Variants in CRB1 observed in about 807,000 individuals in gnomAD.
CRB1 encodes the protein protein crumbs homolog 1.
CRB1 carries 83 observed loss-of-function variants against 120.0 expected under a neutral mutation model. The observed-to-expected ratio is 0.69, with a 90% CI of 0.58 to 0.83. CRB1 has a LOEUF of 0.83. CRB1 is among the 40% of genes least tolerant of loss of function. CRB1 has a pLI of 0.00. For synonymous variants in CRB1, 625 were observed against 612.5 expected (o/e 1.02, Z -0.30); for missense variants, 1,699 against 1,687.6 (o/e 1.01, Z -0.12).
chr1:197,214,500 C>T, the CRB1 span, among the ~76,000 whole-genome samples: 13 of 152,026 alleles, frequency 8.6e-5, no homozygotes, highest in Non-Finnish European at 1.8e-4. Context: ...CATGGGTGGT[C>T]CTGGAACCAA....
chr1:197,393,243 C>A (rs979731900), intron 5 of CRB1, among the ~76,000 whole-genome samples: 1 of 152,074 alleles, frequency 6.6e-6, no homozygotes, highest in Admixed American at 6.6e-5. Flanking sequence ...AATGTGTTAT[C>A]TTTCTTTCTA....
intron 9 of CRB1, among the ~76,000 whole-genome samples, 182 bp from the exon 10 acceptor site, chr1:197,438,365 C>T (rs1166470195): frequency 6.6e-6 from 1 of 152,288 alleles, no homozygotes; most frequent in South Asian, 2.1e-4. Context: ...AACCCTCCAG[C>T]AGGAGCTTTT....
chr1:197,280,293 A>G (rs1045023958), intron 1 of CRB1, among the ~76,000 whole-genome samples: 2 of 151,836 alleles, frequency 1.3e-5, no homozygotes, highest in African/African-American at 4.8e-5. Flanking sequence ...AATCAGAAAA[A>G]CATAAGGGAG....
At chr1:197,249,508 G>C in the CRB1 span, among the ~76,000 whole-genome samples, 1 of 151,918 alleles carries the variant, frequency 6.6e-6, no homozygotes, top group African/African-American at 2.4e-5. Context: ...GCTGTGGAAT[G>C]ATAATTCATA....
chr1:197,271,745 A>G (rs1032540273), intron 1 of CRB1, among the ~76,000 whole-genome samples: 1 of 152,184 alleles, frequency 6.6e-6, no homozygotes, highest in Non-Finnish European at 1.5e-5. Context: ...ACCTTGATGT[A>G]TGAATCTGTT....
chr1:197,453,552 AG>A (rs1558151906), intron 11 of CRB1, among the ~76,000 whole-genome samples: 2 of 5,916 alleles, frequency 3.4e-4, no homozygotes, highest in Non-Finnish European at 5.2e-3. Flanking sequence ...AGAGAGAGAC[AG>A]AGAGAGAGAG....
At chr1:197,375,212 C>T (rs892343887) in intron 5 of CRB1, among the ~76,000 whole-genome samples, 2 of 152,152 alleles carry the variant, frequency 1.3e-5, no homozygotes, top group Non-Finnish European at 1.5e-5. Context: ...GCAGAAGACA[C>T]TAAACTCTTG....
chr1:197,387,790 G>T (rs1662293139), intron 5 of CRB1, among the ~76,000 whole-genome samples: 1 of 151,668 alleles, frequency 6.6e-6, no homozygotes, highest in African/African-American at 2.4e-5. Context: ...TTTATTAAAG[G>T]AAAATTTGAA....
chr1:197,329,608 G>A (rs574579184), intron 2 of CRB1, among the ~76,000 whole-genome samples: 1 of 152,128 alleles, frequency 6.6e-6, no homozygotes. Flanking sequence ...AAAGTAACAA[G>A]TTGACAACTC....
rs1657029109 is a variant in CRB1, at chr1:197,304,044, A to G, written c.71-24378A>G. Reference sequence around the variant, plus strand: ...AGACATTGTGTTTTGGAAAAATGGAAGAGTTATACTCTAAAGATCTTTCAA... The same window carrying G: ...AGACATTGTGTTTTGGAAAAATGGAGGAGTTATACTCTAAAGATCTTTCAA... On this transcript the variant is annotated intron_variant, in intron 1 of 11. Transcript: ENST00000367400. 2.0e-5 allele frequency among the ~76,000 whole-genome samples: 3 copies of G among 152,182 alleles called. No individual in the cohort carries two copies. The South Asian group carries it at 6.2e-4, about 32-fold the overall frequency.
intron 2 of CRB1, among the ~76,000 whole-genome samples, chr1:197,334,513 C>T (rs933856973): frequency 6.6e-6 from 1 of 152,160 alleles, no homozygotes; most frequent in Admixed American, 6.5e-5. Context: ...CCCCCTTCCA[C>T]TCTTATGCCA....
At chr1:197,242,481 A>G in the CRB1 span, among the ~76,000 whole-genome samples, 2 of 152,182 alleles carry the variant, frequency 1.3e-5, no homozygotes, top group Admixed American at 6.6e-5. Context: ...GATTACGTTT[A>G]TTGATTTGCA....
intron 2 of CRB1, 40 bp from the exon 3 acceptor site, chr1:197,344,241 A>G (rs1302614995): frequency 6.3e-7 from 1 of 1,595,978 alleles, no homozygotes. Flanking sequence ...ACACTTTGCT[A>G]AAACTTTTTC....
intron 4 of CRB1, among the ~76,000 whole-genome samples, chr1:197,349,133 T>G (rs1299846983): frequency 1.3e-5 from 2 of 152,212 alleles, no homozygotes; most frequent in African/African-American, 2.4e-5. Flanking sequence ...TTTGTATGTT[T>G]AAGTATGTTT....
At chr1:197,219,277 A>G in the CRB1 span, among the ~76,000 whole-genome samples, 2 of 152,242 alleles carry the variant, frequency 1.3e-5, no homozygotes, top group Non-Finnish European at 2.9e-5. Context: ...TATGTCCTGA[A>G]TTCTGTGGTA....
chr1:197,295,175 T>G (rs1656449018), intron 1 of CRB1, among the ~76,000 whole-genome samples: 1 of 152,180 alleles, frequency 6.6e-6, no homozygotes, highest in South Asian at 2.1e-4. Flanking sequence ...TTCAACCTCT[T>G]GGCAGGCTAT....
the CRB1 span, among the ~76,000 whole-genome samples, chr1:197,205,167 T>C: frequency 6.6e-6 from 1 of 152,186 alleles, no homozygotes; most frequent in Non-Finnish European, 1.5e-5. Flanking sequence ...TTTGGAGTAA[T>C]GTGTAGGGTT....
intron 1 of CRB1, among the ~76,000 whole-genome samples, chr1:197,285,553 A>G (rs541031945): frequency 7.2e-4 from 109 of 151,924 alleles, no homozygotes; most frequent in Non-Finnish European, 1.2e-3. Context: ...GTAGAATGGT[A>G]GCAAATATTA....
chr1:197,438,251 A>T (rs1320343235), intron 9 of CRB1: 1 of 354,406 alleles, frequency 2.8e-6, no homozygotes, highest in East Asian at 6.9e-5. Context: ...AGTTATAGCA[A>T]GTTCTTTTCC....
Sources: allele counts gnomAD v4.1 joint callset (sites outside exome capture counted in the v4.1 genomes callset), GRCh38; gene constraint gnomAD v4.1.1; transcripts MANE v1.5; gene names NCBI Gene and HGNC (gene_info 2026-07-23, HGNC 2026-07-21).